The following FAM81A variants were observed in gnomAD, a reference collection of about 807,000 sequenced individuals.
The protein encoded by FAM81A is family with sequence similarity 81 member A, also known as protein FAM81A.
Under a neutral mutation model 46.7 loss-of-function variants are expected in FAM81A, and 19 were observed. The ratio of observed to expected loss-of-function variants is 0.41; its 90% CI spans 0.28 to 0.60. The LOEUF is 0.60. Among genes scored for constraint, FAM81A ranks in the 20% least tolerant of loss-of-function variants. The probability of loss-of-function intolerance (pLI) is 0.34; values close to 1 mark genes in which losing one functional copy is unlikely to be tolerated. For synonymous variants in FAM81A, 183 were observed against 152.9 expected, an observed-to-expected ratio of 1.20 and a Z score of -1.45; for missense variants, 377 against 453.5, an observed-to-expected ratio of 0.83 and a Z score of 1.53.
intron 3 of FAM81A, among the ~76,000 whole-genome samples, chr15:59,469,215 G>A (rs1268174119): frequency 6.6e-6 from 1 of 152,202 alleles, no homozygotes; most frequent in African/African-American, 2.4e-5. Context: ...TTCTGTAGAT[G>A]TCTATTAGGT....
chr15:59,472,811 TAAA>T (rs1464089871), intron 3 of FAM81A, among the ~76,000 whole-genome samples: 1 of 152,136 alleles, frequency 6.6e-6, no homozygotes, highest in Non-Finnish European at 1.5e-5. Flanking sequence ...TACCTGCAAC[TAAA>T]GAAGTGCAAT....
intron 4 of FAM81A, among the ~76,000 whole-genome samples, chr15:59,492,605 C>T (rs1448943862): frequency 1.3e-5 from 2 of 152,022 alleles, no homozygotes; most frequent in East Asian, 1.9e-4. Flanking sequence ...TGTTGTCTTC[C>T]TGGGAAGAAA....
chr15:59,509,970 A>G (rs1169632868), intron 6 of FAM81A, among the ~76,000 whole-genome samples: 1 of 152,144 alleles, frequency 6.6e-6, no homozygotes, highest in Non-Finnish European at 1.5e-5. Context: ...CCTAATGAGA[A>G]TCTTATGAGA....
chr15:59,407,291 C>CTTTTTTTTTTTTTT (rs3053043), intron 2 of FAM81A: 1 of 120,220 alleles, frequency 8.3e-6, no homozygotes, highest in Non-Finnish European at 1.7e-5. Context: ...CTTTTCTTTC[C>CTTTTTTTTTTTTTT]TTTTTTTTTT....
At chr15:59,494,241 A>G (rs139097572) in intron 4 of FAM81A, among the ~76,000 whole-genome samples, 53 of 152,328 alleles carry the variant, frequency 3.5e-4, no homozygotes, top group Admixed American at 7.2e-4. Flanking sequence ...GCTCTGTGAT[A>G]CCTCTCAGAA....
chr15:59,497,234 T>C (rs2082043813), intron 4 of FAM81A, among the ~76,000 whole-genome samples: 6 of 151,792 alleles, frequency 4.0e-5, no homozygotes, highest in Admixed American at 3.9e-4. Context: ...GATCACGAGA[T>C]CAGGAGTTTG....
At chr15:59,488,898 G>A (rs1032497255) in intron 3 of FAM81A, among the ~76,000 whole-genome samples, 1 of 152,004 alleles carries the variant, frequency 6.6e-6, no homozygotes, top group Non-Finnish European at 1.5e-5. Flanking sequence ...TGGGGGCAGA[G>A]GTTGCAATGA....
At chr15:59,477,032 A>C (rs1311106592) in intron 3 of FAM81A, among the ~76,000 whole-genome samples, 1 of 151,884 alleles carries the variant, frequency 6.6e-6, no homozygotes, top group Non-Finnish European at 1.5e-5. Flanking sequence ...AGGCAGGAGA[A>C]TCACTTGAAC....
rs779002187 is a variant in FAM81A, at chr15:59,460,356, A to G, written c.294+150A>G. ...TGTCTATTCTTAATGATCGCCAAGG[A>G]GACAGCTTGCAGAAATATCCTAATT... On this transcript the variant is annotated intron_variant, in intron 3 of 8. Transcript: ENST00000288228. The surrounding 1 kb of genome is among the most constrained non-coding windows in gnomAD (Gnocchi z 4.4). 7.8e-6 allele frequency: 8 copies of G among 1,030,136 alleles called. No individual in the cohort carries two copies. Among genetic ancestry groups the G allele is most frequent in the Non-Finnish European group, 1.2e-5 (8 of 660,442 alleles). 63.8% of individuals were successfully genotyped at this position (1,030,136 alleles called of 1,614,324 possible).
intron 3 of FAM81A, among the ~76,000 whole-genome samples, chr15:59,470,600 T>C (rs1299108853): frequency 6.6e-6 from 1 of 152,196 alleles, no homozygotes; most frequent in African/African-American, 2.4e-5. Flanking sequence ...AGTTAGCCAT[T>C]CATCTAATCT....
At chr15:59,445,953 C>T (rs553856695) in intron 1 of FAM81A, among the ~76,000 whole-genome samples, 1 of 152,324 alleles carries the variant, frequency 6.6e-6, no homozygotes, top group Non-Finnish European at 1.5e-5. Flanking sequence ...GGGCCCACTG[C>T]AGGGTGACCT....
chr15:59,420,331 G>A (rs528300587), intron 2 of FAM81A, among the ~76,000 whole-genome samples: 3 of 152,266 alleles, frequency 2.0e-5, no homozygotes, highest in Admixed American at 6.5e-5. Flanking sequence ...ATATGTAGGC[G>A]GGGACATCTT....
intron 3 of FAM81A, among the ~76,000 whole-genome samples, chr15:59,478,757 CAG>C (rs35468862): frequency 0.71 from 108,085 of 151,866 alleles, 38,656 homozygotes; most frequent in East Asian, 0.82. Flanking sequence ...GTTCTGTTGA[CAG>C]AGGTTTTTCA....
intron 2 of FAM81A, among the ~76,000 whole-genome samples, chr15:59,420,258 G>C (rs1437277041): frequency 1.3e-5 from 2 of 152,186 alleles, no homozygotes; most frequent in Non-Finnish European, 2.9e-5. Flanking sequence ...TTATACCCTG[G>C]TAAGTTTAAG....
chr15:59,515,025 G>C (rs538925900), intron 7 of FAM81A, among the ~76,000 whole-genome samples: 5 of 152,102 alleles, frequency 3.3e-5, no homozygotes, highest in Non-Finnish European at 7.4e-5. Flanking sequence ...CGGGAGGATC[G>C]CTTGAGCCCA....
intron 1 of FAM81A, among the ~76,000 whole-genome samples, chr15:59,442,065 A>G (rs2081304152): frequency 6.6e-6 from 1 of 152,216 alleles, no homozygotes; most frequent in Non-Finnish European, 1.5e-5. Flanking sequence ...TAAAGAAAAC[A>G]CTGCTTTCAA....
At position 59,480,568 on chromosome 15, in the gene FAM81A, G is replaced by A. The variant is rs79308746; in HGVS notation, c.295-11703G>A. Among the ~76,000 whole-genome samples, 1,226 of 152,198 alleles carry A rather than the reference G, an allele frequency of 8.1e-3. 9 individuals carry two copies. Among genetic ancestry groups the A allele is most frequent in the South Asian group, 0.015 (74 of 4,814 alleles). ...TTTCAAGGTGGCTAGCTTCTGCTCC[G>A]TGCTTGTGTGAAGCATGTTTATTGT... On this transcript the variant is annotated intron_variant, in intron 3 of 8. Transcript: ENST00000288228.
At chr15:59,425,056 A>G in intron 2 of FAM81A, among the ~76,000 whole-genome samples, 1 of 151,990 alleles carries the variant, frequency 6.6e-6, no homozygotes, top group East Asian at 1.9e-4. Context: ...TTTAATTTTA[A>G]TTTTATTTTA....
At chr15:59,441,761 A>C (rs1007445038) in intron 1 of FAM81A, among the ~76,000 whole-genome samples, 12 of 152,004 alleles carry the variant, frequency 7.9e-5, no homozygotes, top group African/African-American at 2.9e-4. Context: ...GTCCAGGCCC[A>C]CTCGAACCTC....
Sources: allele counts gnomAD v4.1 joint callset (sites outside exome capture counted in the v4.1 genomes callset), GRCh38; gene constraint gnomAD v4.1.1; non-coding constraint Gnocchi (gnomAD v3.1); transcripts MANE v1.5; gene names NCBI Gene and HGNC (gene_info 2026-07-23, HGNC 2026-07-21).